Variants in KCNJ6 observed in about 807,000 individuals in gnomAD.
The protein encoded by KCNJ6 is G protein-activated inward rectifier potassium channel 2.
In KCNJ6, 9 loss-of-function variants were observed where a neutral mutation model predicts 34.2. The ratio of observed to expected loss-of-function variants is 0.26; its 90% CI spans 0.16 to 0.46. The LOEUF (loss-of-function observed/expected upper bound fraction) is 0.46, where lower values mean the gene tolerates loss of function less well. KCNJ6 is among the 20% of genes least tolerant of loss of function. KCNJ6 has a pLI of 1.00. For synonymous variants in KCNJ6, 196 were observed against 207.1 expected (o/e 0.95, Z 0.46); for missense variants, 236 against 531.3 (o/e 0.44, Z 5.46).
chr21:37,710,726 A>C (rs1246171056), intron 3 of KCNJ6, among the ~76,000 whole-genome samples: 1 of 152,190 alleles, frequency 6.6e-6, no homozygotes, highest in Non-Finnish European at 1.5e-5. Flanking sequence ...GTCTATATGA[A>C]TGCTTTACTA....
At chr21:37,648,718 CCTT>C (rs1340547265) in intron 3 of KCNJ6, among the ~76,000 whole-genome samples, 3 of 152,240 alleles carry the variant, frequency 2.0e-5, no homozygotes, top group East Asian at 3.9e-4. Flanking sequence ...TGAAAATTAA[CCTT>C]CTTCCTGCTA....
At chr21:37,752,442 G>GA (rs2055000954) in intron 2 of KCNJ6, among the ~76,000 whole-genome samples, 1 of 152,164 alleles carries the variant, frequency 6.6e-6, no homozygotes, top group Non-Finnish European at 1.5e-5. Flanking sequence ...CAGGAAGTCT[G>GA]AATATGAGCT....
intron 1 of KCNJ6, among the ~76,000 whole-genome samples, chr21:37,857,075 AC>A (rs2055569147): frequency 6.6e-6 from 1 of 152,248 alleles, no homozygotes; most frequent in Non-Finnish European, 1.5e-5. Context: ...ATTTCTTTAA[AC>A]CATTCCTATG....
At chr21:37,626,275 T>A (rs773655837) in intron 3 of KCNJ6, among the ~76,000 whole-genome samples, 15 of 151,980 alleles carry the variant, frequency 9.9e-5, no homozygotes, top group Non-Finnish European at 2.2e-4. Flanking sequence ...GGACTACAGG[T>A]GCACACCGCC....
chr21:37,698,122 A>G (rs1018888951), intron 3 of KCNJ6, among the ~76,000 whole-genome samples: 2 of 152,244 alleles, frequency 1.3e-5, no homozygotes, highest in Admixed American at 1.3e-4. Context: ...TAATAATAGT[A>G]CTGTTTACTG....
At chr21:37,632,390 T>G (rs1158643694) in intron 3 of KCNJ6, among the ~76,000 whole-genome samples, 1 of 152,094 alleles carries the variant, frequency 6.6e-6, no homozygotes, top group Admixed American at 6.6e-5. Context: ...AAGAAAAATT[T>G]ATATGCCTAA....
chr21:37,677,791 C>CCATCCATCCATCCATCCATCCAT (rs1399999027), intron 3 of KCNJ6, among the ~76,000 whole-genome samples: 56 of 13,976 alleles, frequency 4.0e-3, no homozygotes, highest in Non-Finnish European at 5.6e-3. Flanking sequence ...CATCCATCCA[C>CCATCCATCCATCCATCCATCCAT]CCACCTATCC....
At chr21:37,804,109 C>T (rs755015551) in intron 2 of KCNJ6, among the ~76,000 whole-genome samples, 2 of 152,150 alleles carry the variant, frequency 1.3e-5, no homozygotes, top group South Asian at 2.1e-4. Flanking sequence ...AAAGATGCAT[C>T]GTTAGTCACT....
At chr21:37,787,637 A>C (rs922589591) in intron 2 of KCNJ6, among the ~76,000 whole-genome samples, 2 of 152,146 alleles carry the variant, frequency 1.3e-5, no homozygotes, top group Non-Finnish European at 2.9e-5. Context: ...TGGGAACTTG[A>C]AGTGAATTTC....
rs979619547 is a variant in KCNJ6 at position 37,742,991 on chromosome 21, C to T, written c.26-27860G>A. ...GTCTCCCAGGCTCTTCCTCAGCCCC[C>T]ATAGACTAGCGAAATCCTCAGGAGT... On this transcript the variant is annotated intron_variant, in intron 2 of 3. Coordinates refer to ENST00000609713, the MANE Select transcript of KCNJ6 (RefSeq NM_002240.5). 3.3e-5 allele frequency among the ~76,000 whole-genome samples: 5 copies of T among 152,182 alleles called. No homozygotes were observed. The South Asian group carries it at 8.3e-4, about 25-fold the overall frequency.
At chr21:37,649,878 C>A (rs1237165721) in intron 3 of KCNJ6, among the ~76,000 whole-genome samples, 2 of 152,038 alleles carry the variant, frequency 1.3e-5, no homozygotes, top group African/African-American at 2.4e-5. Context: ...TCAGCCTCCC[C>A]AAGTAGCTGG....
In KCNJ6 at chr21:37,612,012, A is replaced by G. The variant is rs554714949; in HGVS notation, c.*13147T>C. 1.8e-4 allele frequency: 28 copies of G among 152,346 alleles called. No homozygotes were observed. The highest frequency in any genetic ancestry group is 5.8e-4 in the African/African-American group (24 of 41,588). The allele number at this position is 152,346 out of a possible 1,614,324, so 9.4% of individuals were successfully genotyped here. ...TAAGACAAGGAAAGGAAATAAAAATATATAGATTGGGAAGAAAGAAGAAAT... is the reference window on the plus strand; with the variant it reads ...TAAGACAAGGAAAGGAAATAAAAATGTATAGATTGGGAAGAAAGAAGAAAT... On this transcript the variant is annotated 3_prime_UTR_variant, in exon 4 of 4. Transcript: ENST00000609713.
At chr21:37,792,006 C>T (rs2055219044) in intron 2 of KCNJ6, among the ~76,000 whole-genome samples, 1 of 152,182 alleles carries the variant, frequency 6.6e-6, no homozygotes, top group Non-Finnish European at 1.5e-5. Flanking sequence ...ACGAATTGAG[C>T]AGGGTTTTTA....
intron 3 of KCNJ6, among the ~76,000 whole-genome samples, chr21:37,648,052 G>A (rs2054413825): frequency 6.6e-6 from 1 of 152,232 alleles, no homozygotes; most frequent in African/African-American, 2.4e-5. Flanking sequence ...AGCCTTTCCA[G>A]CCTGGGTTAG....
At chr21:37,912,252 T>G (rs190010026) in intron 1 of KCNJ6, among the ~76,000 whole-genome samples, 40 of 152,346 alleles carry the variant, frequency 2.6e-4, no homozygotes, top group Non-Finnish European at 4.4e-4. Flanking sequence ...ACCAATTATT[T>G]TGGAGTATGC....
rs1250159270 is a variant in KCNJ6 at position 37,621,186 on chromosome 21, CA to C, written c.*3972del. The C allele has an allele frequency of 1.3e-5, 2 of 152,188 alleles. No individual in the cohort carries two copies. Among genetic ancestry groups the C allele is most frequent in the East Asian group, 3.8e-4 (2 of 5,204 alleles). The allele number at this position is 152,188 out of a possible 1,614,324, so 9.4% of individuals were successfully genotyped here. ...AACTACCTTCCTGACATTTTTAAAT[CA>C]TACAGAGTATCACCCAAGTCAAGGA... On this transcript the variant is annotated 3_prime_UTR_variant, in exon 4 of 4. Coordinates refer to ENST00000609713, the MANE Select transcript of KCNJ6 (RefSeq NM_002240.5).
chr21:37,825,043 A>C (rs2055392337), intron 2 of KCNJ6, among the ~76,000 whole-genome samples: 1 of 152,008 alleles, frequency 6.6e-6, no homozygotes, highest in South Asian at 2.1e-4. Flanking sequence ...TGTGTGGTCA[A>C]ATCTCTCTCT....
intron 1 of KCNJ6, among the ~76,000 whole-genome samples, chr21:37,861,372 G>T (rs1030208572): frequency 6.6e-6 from 1 of 152,144 alleles, no homozygotes; most frequent in Non-Finnish European, 1.5e-5. Context: ...CCCTCTGTGT[G>T]TGCCTGTGTC....
chr21:37,885,993 A>T (rs2055733691), intron 1 of KCNJ6, among the ~76,000 whole-genome samples: 1 of 152,094 alleles, frequency 6.6e-6, no homozygotes, highest in African/African-American at 2.4e-5. Context: ...TGCACCAAGG[A>T]GTCCTGGGAA....
Sources: allele counts gnomAD v4.1 joint callset (sites outside exome capture counted in the v4.1 genomes callset), GRCh38; gene constraint gnomAD v4.1.1; transcripts MANE v1.5; gene names NCBI Gene and HGNC (gene_info 2026-07-23, HGNC 2026-07-21).